The following ZAN variants were observed in gnomAD, a reference collection of about 807,000 sequenced individuals.
ZAN encodes zonadhesin, also known as zonadhesin (gene/pseudogene).
Under a neutral mutation model 286.2 loss-of-function variants are expected in ZAN, and 260 were observed. The ratio of observed to expected loss-of-function variants is 0.91; its 90% CI spans 0.82 to 1.01. The LOEUF (loss-of-function observed/expected upper bound fraction) is 1.01, where lower values mean the gene tolerates loss of function less well. ZAN is among the 50% of genes least tolerant of loss of function. The pLI, the probability that ZAN is intolerant of heterozygous loss-of-function variation, is 0.00. For missense variants in ZAN, 3,410 were observed against 3,639.2 expected (o/e 0.94, Z 1.62); for synonymous variants, 1,368 against 1,417.5 (o/e 0.97, Z 0.79).
At chr7:100,783,049 C>T (rs1584621562) in intron 35 of ZAN, among the ~76,000 whole-genome samples, 1 of 152,118 alleles carries the variant, frequency 6.6e-6, no homozygotes, top group South Asian at 2.1e-4. Context: ...GGGCGGATCA[C>T]CTGAGGTCAG....
In ZAN at chr7:100,797,477, G is replaced by A; in HGVS notation, c.8366+12G>A. 6.2e-7 allele frequency: 1 copy of A among 1,613,514 alleles called. No individual in the cohort carries two copies. The highest frequency in any genetic ancestry group is 8.5e-7 in the Non-Finnish European group (1 of 1,179,590). On this transcript the variant is annotated intron_variant, in intron 46 of 47. Transcript: ENST00000613979. ...ACGAGGAGGAAGAGGTGAGTCCTGGGAAGGAGAGAGGAAGGGCGGGTGGGG... is the reference window on the plus strand; with the variant it reads ...ACGAGGAGGAAGAGGTGAGTCCTGGAAAGGAGAGAGGAAGGGCGGGTGGGG...
At chr7:100,743,380 G>C (rs145906029) in intron 7 of ZAN, among the ~76,000 whole-genome samples, 1,681 of 151,878 alleles carry the variant, frequency 0.011, 12 homozygotes, top group Middle Eastern at 0.017. Flanking sequence ...CCACCTCCCT[G>C]TGCACTCAGC....
Position 100,794,232 on chromosome 7 carries a change from G to A in ZAN, c.8099G>A (p.Gly2700Glu). The change falls in exon 44 of 48, where the codon GGG becomes GAG. Residue 2700 changes from glycine (G) to glutamate (E), a missense_variant. Gly to Glu is a moderately conservative substitution (Grantham distance 98). Transcript: ENST00000613979. Reference protein sequence around the residue: ...SCRAGEVCTLGNHTQGCFPES... With the variant: ...SCRAGEVCTLENHTQGCFPES... ...AGAGCGGGGGAGGTCTGCACCCTGGGGAACCACACCCAAGGCTGCTTTCCA... is the reference window on the plus strand; with the variant it reads ...AGAGCGGGGGAGGTCTGCACCCTGGAGAACCACACCCAAGGCTGCTTTCCA... 7 of 1,610,784 alleles carry A rather than the reference G, an allele frequency of 4.3e-6. No homozygotes were observed. Among genetic ancestry groups the A allele is most frequent in the Non-Finnish European group, 5.9e-6 (7 of 1,178,052 alleles).
At chr7:100,739,950 T>A (rs1807623188) in intron 7 of ZAN, among the ~76,000 whole-genome samples, 1 of 141,940 alleles carries the variant, frequency 7.0e-6, no homozygotes, top group Non-Finnish European at 1.6e-5. Flanking sequence ...TGAGCCACTG[T>A]GCCTGGGCGA....
Position 100,736,837 on chromosome 7 carries a change from C to A in ZAN, c.282C>A (p.Asn94Lys). The change falls in exon 5 of 48, where the codon AAC (asparagine) becomes AAA (lysine). Residue 94 changes from asparagine (N) to lysine (K), a missense_variant. Physicochemically the swap from Asn to Lys is moderately conservative, Grantham distance 94. This residue lies in a region of ZAN where 872 missense variants were observed against 938.9 expected (regional missense o/e 0.93). Coordinates refer to ENST00000613979, the MANE Select transcript of ZAN (RefSeq NM_003386.3). ...GCAGCTATCTGCATATGGAATCGAA[C>A]AGCTTCCACCGTGGGGGAGTGGCCC... The part of the protein sequence containing the change: ...GEGSYLHMES[N>K]SFHRGGVARL... 1 of 1,481,392 alleles carries A rather than the reference C, an allele frequency of 6.8e-7. No homozygotes were observed. Among genetic ancestry groups the A allele is most frequent in the Non-Finnish European group, 9.2e-7 (1 of 1,086,546 alleles). The allele number at this position is 1,481,392 out of a possible 1,614,324, so 91.8% of individuals were successfully genotyped here. A position where few individuals can be genotyped will look rare whatever the true frequency, so the allele number is the denominator to read the frequency against.
At chr7:100,750,939 G>A (rs1293126199) in intron 12 of ZAN, 43 bp downstream of exon 12, 1 of 1,514,664 alleles carries the variant, frequency 6.6e-7, no homozygotes, top group Non-Finnish European at 8.8e-7. Flanking sequence ...GAGGTGAGAG[G>A]GCCAATGCCT....
At chr7:100,747,727 A>C in intron 9 of ZAN, 86 bp downstream of exon 9, 60 of 1,315,320 alleles carry the variant, frequency 4.6e-5, no homozygotes, top group Non-Finnish European at 6.2e-5. Flanking sequence ...GCTGTGGCTC[A>C]TGCCTGTATT....
Position 100,790,650 on chromosome 7 carries a change from A to T in ZAN, c.7358-292A>T, listed in dbSNP as rs146074238. Reference sequence around the variant, plus strand: ...GTAATCCCAGCACTCTGAGAGGCCGAGGTAGGCAGATCACTTGAGGTCAGG... The same window carrying T: ...GTAATCCCAGCACTCTGAGAGGCCGTGGTAGGCAGATCACTTGAGGTCAGG... On this transcript the variant is annotated intron_variant, in intron 39 of 47. Coordinates refer to ENST00000613979, the MANE Select transcript of ZAN (RefSeq NM_003386.3). Among the ~76,000 whole-genome samples the T allele has an allele frequency of 7.0e-3, 1,066 of 151,856 alleles. 19 individuals carry two copies. The highest frequency in any genetic ancestry group is 0.024 in the African/African-American group (1,003 of 41,406).
chr7:100,783,489 T>C (rs139746647), intron 35 of ZAN, among the ~76,000 whole-genome samples: 1 of 150,412 alleles, frequency 6.6e-6, no homozygotes, highest in East Asian at 2.0e-4. Context: ...ATCCTAGCAC[T>C]TTGGGAGGCC....
chr7:100,757,181 G>T (rs1809207198), intron 15 of ZAN, among the ~76,000 whole-genome samples: 1 of 151,590 alleles, frequency 6.6e-6, no homozygotes, highest in Admixed American at 6.6e-5. Context: ...GTAGAGATGG[G>T]GTCTGGCTCT....
chr7:100,768,297 A>G (rs1584597785), intron 26 of ZAN, among the ~76,000 whole-genome samples: 1 of 151,902 alleles, frequency 6.6e-6, no homozygotes, highest in South Asian at 2.1e-4. Context: ...CATGGCAAAA[A>G]CCTGTCTCTA....
intron 36 of ZAN, among the ~76,000 whole-genome samples, 186 bp downstream of exon 36, chr7:100,785,020 G>A (rs915310344): frequency 2.6e-5 from 4 of 152,110 alleles, no homozygotes; most frequent in African/African-American, 4.8e-5. Flanking sequence ...TTGGGTTTTG[G>A]ATCTGAGGAA....
intron 7 of ZAN, among the ~76,000 whole-genome samples, chr7:100,746,096 G>C (rs1033886340): frequency 6.6e-6 from 1 of 151,874 alleles, no homozygotes; most frequent in Admixed American, 6.6e-5. Context: ...GCGTGGTGGC[G>C]CACACCTGTA....
Position 100,765,453 on chromosome 7 carries a change from G to A in ZAN, c.4369G>A (p.Val1457Met), listed in dbSNP as rs1461375253. The A allele has an allele frequency of 3.7e-5, 59 of 1,613,712 alleles. No individual in the cohort carries two copies. Among genetic ancestry groups the A allele is most frequent in the Non-Finnish European group, 4.8e-5 (57 of 1,179,798 alleles). ...FSGMFCSDRC[V>M]EACECNPGFV... ...CGGCATGTTCTGCTCAGACCGGTGC[G>A]TGGAGGCCTGTGAATGCAATCCGGG... Residue 1457 changes from valine (V) to methionine (M), a missense_variant, in exon 23 of 48, where the codon GTG (valine) becomes ATG (methionine). Physicochemically the swap from Val to Met is conservative, Grantham distance 21 (BLOSUM62 1). Around this residue, in one of 7 missense-constraint regions of ZAN, gnomAD observed 1,042 missense variants for 1,058.0 expected, o/e 0.98. Coordinates refer to ENST00000613979, the MANE Select transcript of ZAN (RefSeq NM_003386.3).
intron 36 of ZAN, 124 bp from the exon 37 acceptor site, chr7:100,785,873 C>T (rs989698027): frequency 5.0e-5 from 63 of 1,258,264 alleles, no homozygotes; most frequent in East Asian, 2.3e-4. Context: ...TGGCTGGGCT[C>T]GTCACAAACT....
At chr7:100,776,375 G>A (rs1810785902) in intron 33 of ZAN, 65 bp from the exon 34 acceptor site, 3 of 1,524,664 alleles carry the variant, frequency 2.0e-6, no homozygotes, top group South Asian at 2.5e-5. Flanking sequence ...AAGGAAAGAA[G>A]GAAGGAAGGG....
chr7:100,797,766 G>T lies in ZAN; in HGVS notation c.*34G>T. On this transcript the variant is annotated 3_prime_UTR_variant, in exon 48 of 48. Coordinates refer to ENST00000613979, the MANE Select transcript of ZAN (RefSeq NM_003386.3). ...GTTTTGAGCTGTCTTCAGACAAGAA[G>T]ATTAAATAAATTTATATATTTATTT... The T allele has an allele frequency of 6.2e-7, 1 of 1,610,610 alleles. No individual in the cohort carries two copies. The highest frequency in any genetic ancestry group is 1.7e-5 in the Admixed American group (1 of 59,880).
At chr7:100,750,099 C>CACACACACAT (rs996745393) in intron 11 of ZAN, among the ~76,000 whole-genome samples, 1 of 147,970 alleles carries the variant, frequency 6.8e-6, no homozygotes, top group African/African-American at 2.5e-5. Flanking sequence ...CACACACACA[C>CACACACACAT]GACATTAATG....
At position 100,790,972 on chromosome 7, in the gene ZAN, TTG is replaced by T. The variant is rs1271966200; in HGVS notation, c.7391_7392del (p.Val2464GlufsTer14). The T allele has an allele frequency of 1.3e-5, 21 of 1,611,990 alleles. No individual in the cohort carries two copies. The highest frequency in any genetic ancestry group is 1.6e-5 in the Non-Finnish European group (19 of 1,179,394). Reference sequence around the variant, plus strand: ...TCCCTACCCAGCATGTACGAGGGGCTTGTGAGTGGCCTGTGCGGAAACTACGA... The same window carrying T: ...TCCCTACCCAGCATGTACGAGGGGCTTGAGTGGCCTGTGCGGAAACTACGA... On this transcript the variant is annotated frameshift_variant, in exon 40 of 48. Transcript: ENST00000613979. LOFTEE classifies it high-confidence loss of function.
Sources: gnomAD v4.1 joint callset for allele counts (sites outside exome capture counted in the v4.1 genomes callset) on GRCh38, gnomAD v4.1.1 for gene constraint, gnomAD v4.1.1 regional missense constraint, MANE v1.5 for transcripts, NCBI Gene and HGNC (gene_info 2026-07-23, HGNC 2026-07-21) for gene names.